IFT56: variants seen among roughly 807,000 people sequenced by gnomAD.
IFT56 encodes the protein intraflagellar transport 56.
At chr7:139,180,132 T>C in the IFT56 span, among the ~76,000 whole-genome samples, 2 of 148,222 alleles carry the variant, frequency 1.3e-5, no homozygotes, top group African/African-American at 5.0e-5. Flanking sequence ...GGTCAGGAGA[T>C]CGAGACCATC....
the IFT56 span, chr7:139,169,223 C>A: frequency 7.5e-7 from 1 of 1,334,254 alleles, no homozygotes; most frequent in African/African-American, 1.5e-5. Flanking sequence ...ATGTTAGAAC[C>A]ATATAGTATA....
At chr7:139,141,911 C>A in the IFT56 span, among the ~76,000 whole-genome samples, 4 of 152,158 alleles carry the variant, frequency 2.6e-5, no homozygotes, top group African/African-American at 9.7e-5. Context: ...ATTGAGATGA[C>A]CATGGGTGTC....
At chr7:139,173,302 A>G in the IFT56 span, 1 of 395,734 alleles carries the variant, frequency 2.5e-6, no homozygotes, top group Non-Finnish European at 4.4e-6. Flanking sequence ...ATCTCGGCTC[A>G]CTGCAACCTC....
the IFT56 span, chr7:139,147,441 T>G: frequency 1.4e-6 from 1 of 729,622 alleles, no homozygotes; most frequent in Non-Finnish European, 2.1e-6. Flanking sequence ...AATTAGATAT[T>G]GTCTAAATCA....
the IFT56 span, chr7:139,142,183 G>C: frequency 8.2e-6 from 12 of 1,471,742 alleles, no homozygotes; most frequent in Non-Finnish European, 1.1e-5. Flanking sequence ...ATTCATCCGA[G>C]TCTCATTTCA....
the IFT56 span, among the ~76,000 whole-genome samples, chr7:139,153,933 G>A: frequency 2.6e-5 from 4 of 152,272 alleles, no homozygotes; most frequent in East Asian, 5.8e-4. Flanking sequence ...CAAAGAAACT[G>A]CACTATTTTA....
chr7:139,145,239 A>G, the IFT56 span, among the ~76,000 whole-genome samples: 3 of 151,936 alleles, frequency 2.0e-5, no homozygotes, highest in Non-Finnish European at 4.4e-5. Context: ...TTAAGCCCAT[A>G]AGACTTCTTG....
the IFT56 span, chr7:139,165,318 T>G: frequency 1.1e-6 from 1 of 889,586 alleles, no homozygotes; most frequent in Non-Finnish European, 1.7e-6. Context: ...TTGCTTCACT[T>G]TTTAAATCCA....
the IFT56 span, chr7:139,147,010 C>A: frequency 6.5e-7 from 1 of 1,533,934 alleles, no homozygotes; most frequent in South Asian, 1.2e-5. Context: ...GACAAAGAAC[C>A]TAAGGGAAAT....
the IFT56 span, among the ~76,000 whole-genome samples, chr7:139,158,391 T>C: frequency 3.2e-3 from 482 of 151,932 alleles, no homozygotes; most frequent in African/African-American, 0.011. Flanking sequence ...CTTTTGATGA[T>C]ATTTCATCAT....
chr7:139,175,229 A>G, the IFT56 span, among the ~76,000 whole-genome samples: 1 of 152,122 alleles, frequency 6.6e-6, no homozygotes, highest in African/African-American at 2.4e-5. Context: ...CGTACACTGT[A>G]AATTAGCACA....
the IFT56 span, among the ~76,000 whole-genome samples, chr7:139,135,211 G>A: frequency 0.032 from 4,834 of 150,312 alleles, 132 homozygotes; most frequent in Admixed American, 0.084. Flanking sequence ...CCCGGGAGGC[G>A]GAGGTTGCAG....
chr7:139,172,538 C>G, the IFT56 span: 1 of 505,608 alleles, frequency 2.0e-6, no homozygotes, highest in Non-Finnish European at 3.9e-6. Flanking sequence ...GAGATTCTTG[C>G]TGCTGTAATG....
chr7:139,160,657 C>T, the IFT56 span, among the ~76,000 whole-genome samples: 72 of 152,238 alleles, frequency 4.7e-4, no homozygotes, highest in South Asian at 0.013. Flanking sequence ...AACATGGTCT[C>T]GATCTGTTGA....
the IFT56 span, among the ~76,000 whole-genome samples, chr7:139,182,013 C>T: frequency 1.4e-5 from 2 of 148,076 alleles, no homozygotes; most frequent in African/African-American, 2.5e-5. Context: ...ACAGGAAAGA[C>T]AAAGGAACCA....
the IFT56 span, chr7:139,178,102 AAG>A: frequency 1.3e-6 from 1 of 754,940 alleles, no homozygotes; most frequent in Non-Finnish European, 2.2e-6. Flanking sequence ...AGAATCTAGA[AAG>A]ATATTTTGGA....
chr7:139,157,743 C>T, the IFT56 span, among the ~76,000 whole-genome samples: 27 of 151,954 alleles, frequency 1.8e-4, no homozygotes, highest in South Asian at 4.2e-4. Flanking sequence ...TGGGCTCAAG[C>T]GATCCGCCTG....
the IFT56 span, among the ~76,000 whole-genome samples, chr7:139,185,576 A>G: frequency 2.6e-5 from 4 of 152,082 alleles, no homozygotes; most frequent in African/African-American, 9.7e-5. Context: ...TCTGAGAAGC[A>G]GAACTCAATT....
the IFT56 span, among the ~76,000 whole-genome samples, chr7:139,182,315 C>A: frequency 1.3e-5 from 2 of 151,052 alleles, no homozygotes; most frequent in East Asian, 3.9e-4. Context: ...TGAATCGTTA[C>A]CAAAAAAAGA....
Sources: gnomAD v4.1 joint callset for allele counts (sites outside exome capture counted in the v4.1 genomes callset) on GRCh38, gnomAD v4.1.1 for gene constraint, MANE v1.5 for transcripts, NCBI Gene and HGNC (gene_info 2026-07-23, HGNC 2026-07-21) for gene names.